LRMDA: variants seen among roughly 807,000 people sequenced by gnomAD.
LRMDA encodes the protein leucine rich melanocyte differentiation associated.
LRMDA carries 18 observed loss-of-function variants against 29.8 expected under a neutral mutation model. The ratio of observed to expected loss-of-function variants is 0.60; its 90% confidence interval spans 0.42 to 0.90. The LOEUF is 0.90. Among genes scored for constraint, LRMDA ranks in the 40% least tolerant of loss-of-function variants. LRMDA has a pLI of 0.00. For missense variants in LRMDA, 273 were observed against 273.9 expected (o/e 1.00, Z 0.02); for synonymous variants, 125 against 109.4 (o/e 1.14, Z -0.89).
At chr10:75,463,626 T>G (rs1170252149) in intron 2 of LRMDA, among the ~76,000 whole-genome samples, 1 of 152,072 alleles carries the variant, frequency 6.6e-6, no homozygotes, top group African/African-American at 2.4e-5. Flanking sequence ...TAGCTGGGAT[T>G]ACAGGTGCAT....
At chr10:76,410,598 C>T (rs748844296) in intron 6 of LRMDA, among the ~76,000 whole-genome samples, 20 of 152,086 alleles carry the variant, frequency 1.3e-4, no homozygotes, top group Non-Finnish European at 2.4e-4. Flanking sequence ...CATGAGCCAC[C>T]GTGGCCCAGC....
chr10:76,150,391 G>A (rs1379161536), intron 5 of LRMDA, among the ~76,000 whole-genome samples: 1 of 152,174 alleles, frequency 6.6e-6, no homozygotes, highest in Non-Finnish European at 1.5e-5. Context: ...GGGTGTTGTG[G>A]AATGTGCTTG....
chr10:75,688,911 G>A (rs1468048918), intron 2 of LRMDA, among the ~76,000 whole-genome samples: 2 of 152,312 alleles, frequency 1.3e-5, no homozygotes, highest in African/African-American at 2.4e-5. Context: ...TAGCAATAAA[G>A]TATTTTAAAT....
chr10:75,507,612 G>A (rs1163927470), intron 2 of LRMDA, among the ~76,000 whole-genome samples: 1 of 152,064 alleles, frequency 6.6e-6, no homozygotes, highest in African/African-American at 2.4e-5. Context: ...CATTGTTTCG[G>A]AGCCAGTTCC....
At position 75,896,087 on chromosome 10, in the gene LRMDA, A is replaced by T. The variant is rs539410953; in HGVS notation, c.132-139921A>T. Reference sequence around the variant, plus strand: ...CATGTATGGAAAGGAGATGAAAAATATGACATATTCCATCAATACCAGCTA... The same window carrying T: ...CATGTATGGAAAGGAGATGAAAAATTTGACATATTCCATCAATACCAGCTA... On this transcript the variant is annotated intron_variant, in intron 2 of 6. Coordinates refer to ENST00000611255, the MANE Select transcript of LRMDA (RefSeq NM_001305581.2). 4.6e-5 allele frequency among the ~76,000 whole-genome samples: 7 copies of T among 152,378 alleles called. No homozygotes were observed. The South Asian group carries it at 1.4e-3, about 32-fold the overall frequency.
intron 2 of LRMDA, among the ~76,000 whole-genome samples, chr10:75,975,309 AT>A (rs1657449182): frequency 6.6e-6 from 1 of 152,072 alleles, no homozygotes; most frequent in South Asian, 2.1e-4. Context: ...GGACTTCCTG[AT>A]TTTTTTCTGA....
chr10:76,185,343 A>G (rs1020344934), intron 5 of LRMDA, among the ~76,000 whole-genome samples: 3 of 152,246 alleles, frequency 2.0e-5, no homozygotes, highest in Non-Finnish European at 4.4e-5. Flanking sequence ...GCTTGTTTAC[A>G]TAAGATCTTC....
intron 2 of LRMDA, among the ~76,000 whole-genome samples, chr10:75,930,710 C>T (rs1846192293): frequency 6.6e-6 from 1 of 152,086 alleles, no homozygotes; most frequent in African/African-American, 2.4e-5. Flanking sequence ...TTCATACCTG[C>T]TATATATTCT....
intron 2 of LRMDA, among the ~76,000 whole-genome samples, chr10:76,031,108 G>C (rs1348285178): frequency 6.6e-6 from 1 of 152,206 alleles, no homozygotes; most frequent in African/African-American, 2.4e-5. Flanking sequence ...ATGCTGGCTG[G>C]AGCAGGGTCT....
In LRMDA at chr10:76,429,261, C is replaced by T. The variant is rs370067032; in HGVS notation, c.601+104776C>T. The stretch of plus-strand genomic sequence containing the variant: ...TTAGCTCACCTTTAGTGCAGCCATG[C>T]GAATAATGTGTACTGAGCTTTCTAT... On this transcript the variant is annotated intron_variant, in intron 6 of 6. Coordinates refer to ENST00000611255, the MANE Select transcript of LRMDA (RefSeq NM_001305581.2). Among the ~76,000 whole-genome samples the T allele has an allele frequency of 4.6e-5, 7 of 152,086 alleles. No individual in the cohort carries two copies. In the South Asian group the frequency reaches 8.3e-4, roughly 18 times the overall value.
intron 2 of LRMDA, among the ~76,000 whole-genome samples, chr10:75,819,414 G>A (rs1487734211): frequency 6.6e-6 from 1 of 151,990 alleles, no homozygotes; most frequent in Non-Finnish European, 1.5e-5. Flanking sequence ...AATTTGGGGA[G>A]TAGAGGAGGG....
chr10:75,546,381 ATAT>A (rs528878299), intron 2 of LRMDA, among the ~76,000 whole-genome samples: 4,230 of 152,316 alleles, frequency 0.028, 210 homozygotes, highest in African/African-American at 0.096. Flanking sequence ...AAGCTTAAAA[ATAT>A]GTGTACACAG....
intron 5 of LRMDA, among the ~76,000 whole-genome samples, chr10:76,108,197 G>C (rs939274423): frequency 6.6e-6 from 1 of 152,142 alleles, no homozygotes; most frequent in African/African-American, 2.4e-5. Flanking sequence ...TTAACCTAGG[G>C]AAGTGGTCTT....
intron 2 of LRMDA, among the ~76,000 whole-genome samples, chr10:75,874,112 G>C (rs560063532): frequency 6.6e-6 from 1 of 152,220 alleles, no homozygotes; most frequent in Admixed American, 6.5e-5. Flanking sequence ...TCAAGAGGTG[G>C]TAGATTGAAA....
At chr10:75,493,350 T>TGGGG (rs72058186) in intron 2 of LRMDA, among the ~76,000 whole-genome samples, 8 of 138,532 alleles carry the variant, frequency 5.8e-5, no homozygotes, top group Admixed American at 2.2e-4. Flanking sequence ...TGAGATTGGG[T>TGGGG]GTGTGTGTGT....
chr10:75,862,621 G>A (rs143975503), intron 2 of LRMDA, among the ~76,000 whole-genome samples: 15 of 152,274 alleles, frequency 9.9e-5, no homozygotes, highest in Non-Finnish European at 2.1e-4. Context: ...ATTTACTTGT[G>A]TCACCCTCAT....
chr10:76,547,264 A>C (rs1843432407), intron 6 of LRMDA, among the ~76,000 whole-genome samples: 1 of 152,224 alleles, frequency 6.6e-6, no homozygotes, highest in African/African-American at 2.4e-5. Flanking sequence ...AAAAATCCCC[A>C]ATCTCTGAGC....
At chr10:76,067,145 C>T (rs1423462511) in intron 5 of LRMDA, among the ~76,000 whole-genome samples, 2 of 152,220 alleles carry the variant, frequency 1.3e-5, no homozygotes. Flanking sequence ...GTGACTCCCC[C>T]TTAAAGGGAG....
chr10:75,504,302 G>A (rs1377795990), intron 2 of LRMDA, among the ~76,000 whole-genome samples: 1 of 152,134 alleles, frequency 6.6e-6, no homozygotes, highest in Non-Finnish European at 1.5e-5. Flanking sequence ...TATTTGTTGA[G>A]TGCCTCTATG....
Sources: gnomAD v4.1 joint callset for allele counts (sites outside exome capture counted in the v4.1 genomes callset) on GRCh38, gnomAD v4.1.1 for gene constraint, MANE v1.5 for transcripts, NCBI Gene and HGNC (gene_info 2026-07-23, HGNC 2026-07-21) for gene names.